EPS15: variants seen among roughly 807,000 people sequenced by gnomAD.
The protein encoded by EPS15 is epidermal growth factor receptor pathway substrate 15.
Under a neutral mutation model 113.8 loss-of-function variants are expected in EPS15, and 72 were observed. The ratio of observed to expected loss-of-function variants is 0.63; its 90% confidence interval spans 0.52 to 0.77. The LOEUF (loss-of-function observed/expected upper bound fraction) is 0.77. Ranked by LOEUF, EPS15 falls within the 30% of genes least tolerant of loss-of-function variation. EPS15 has a pLI of 0.00. For synonymous variants in EPS15, 344 were observed against 363.4 expected, an observed-to-expected ratio of 0.95 and a Z score of 0.61; for missense variants, 1,048 against 1,045.8, an observed-to-expected ratio of 1.00 and a Z score of -0.03.
intron 21 of EPS15, among the ~76,000 whole-genome samples, chr1:51,369,154 T>C (rs1267458497): frequency 6.6e-6 from 1 of 152,244 alleles, no homozygotes; most frequent in Non-Finnish European, 1.5e-5. Context: ...AGGACACTTC[T>C]ATATGAAGAA....
intron 1 of EPS15, among the ~76,000 whole-genome samples, chr1:51,507,454 A>G (rs989690365): frequency 6.6e-6 from 1 of 152,016 alleles, no homozygotes; most frequent in African/African-American, 2.4e-5. Flanking sequence ...CAAGATCAGG[A>G]GTTCAAGACT....
At chr1:51,409,421 G>T in intron 14 of EPS15, 114 bp downstream of exon 14, 1 of 978,020 alleles carries the variant, frequency 1.0e-6, no homozygotes. Context: ...CCCAAATGCT[G>T]ACTGGATTGC....
rs1050779975 is a variant in EPS15, at chr1:51,495,486, G to GT, written c.34-14173dup. 5.5e-4 allele frequency among the ~76,000 whole-genome samples: 83 copies of GT among 151,750 alleles called. 1 individual carries two copies. Among genetic ancestry groups the GT allele is most frequent in the African/African-American group, 2.0e-3 (83 of 41,432 alleles). On this transcript the variant is annotated intron_variant, in intron 1 of 24. Transcript: ENST00000371733. ...ATATAAATCAATAGAAATCTTTGGT[G>GT]TTTTAATTCTTTTTATACTATAGAC...
At chr1:51,498,187 TA>T (rs1644358076) in intron 1 of EPS15, among the ~76,000 whole-genome samples, 1 of 152,132 alleles carries the variant, frequency 6.6e-6, no homozygotes, top group Non-Finnish European at 1.5e-5. Flanking sequence ...ATCCAACTCA[TA>T]AAAGGTACAA....
chr1:51,384,666 G>T (rs1416308086), intron 21 of EPS15, among the ~76,000 whole-genome samples: 1 of 152,062 alleles, frequency 6.6e-6, no homozygotes, highest in Non-Finnish European at 1.5e-5. Flanking sequence ...GAACAACAAA[G>T]TTGGTAGTCA....
At chr1:51,513,786 A>G (rs1644667638) in intron 1 of EPS15, among the ~76,000 whole-genome samples, 1 of 152,216 alleles carries the variant, frequency 6.6e-6, no homozygotes, top group African/African-American at 2.4e-5. Flanking sequence ...TTAGTCCTCT[A>G]ACTGAATTGT....
chr1:51,357,902 G>A (rs189332801), intron 24 of EPS15, among the ~76,000 whole-genome samples: 564 of 152,006 alleles, frequency 3.7e-3, no homozygotes, highest in Non-Finnish European at 6.6e-3. Context: ...ACCACGCCCG[G>A]CTAATCCTGT....
intron 8 of EPS15, among the ~76,000 whole-genome samples, chr1:51,459,883 T>G (rs1385332273): frequency 6.6e-6 from 1 of 152,116 alleles, no homozygotes; most frequent in African/African-American, 2.4e-5. Flanking sequence ...ATCCTTTAAA[T>G]GATTTCAATA....
At chr1:51,411,958 A>G (rs1451607266) in intron 13 of EPS15, among the ~76,000 whole-genome samples, 1 of 152,252 alleles carries the variant, frequency 6.6e-6, no homozygotes, top group Admixed American at 6.5e-5. Flanking sequence ...GAACCAATGC[A>G]AATGCCCACC....
chr1:51,477,240 T>G (rs999929278), intron 2 of EPS15, among the ~76,000 whole-genome samples: 1 of 152,220 alleles, frequency 6.6e-6, no homozygotes, highest in Non-Finnish European at 1.5e-5. Context: ...TTTATTTGCA[T>G]AGAGGTGTTT....
intron 1 of EPS15, among the ~76,000 whole-genome samples, chr1:51,517,636 TAA>T (rs1363628635): frequency 1.3e-5 from 2 of 152,180 alleles, no homozygotes; most frequent in African/African-American, 2.4e-5. Flanking sequence ...AGTGAATACC[TAA>T]AAGTCAGTGC....
intron 22 of EPS15, among the ~76,000 whole-genome samples, chr1:51,364,696 G>C (rs1254551082): frequency 6.6e-6 from 1 of 151,752 alleles, no homozygotes; most frequent in South Asian, 2.1e-4. Flanking sequence ...ATGGAGTTTC[G>C]TTATGTTGCC....
At position 51,355,922 on chromosome 1, in the gene EPS15, T is replaced by C. The variant is rs2148332791; in HGVS notation, c.*778A>G. 5.2e-6 allele frequency: 1 copy of C among 192,990 alleles called. No individual in the cohort carries two copies. Among genetic ancestry groups the C allele is most frequent in the Admixed American group, 6.1e-5 (1 of 16,376 alleles). The allele number at this position is 192,990 out of a possible 1,614,324, so 12.0% of individuals were successfully genotyped here. On this transcript the variant is annotated 3_prime_UTR_variant, in exon 25 of 25. Transcript: ENST00000371733. ...GGTGATAAATTTTCTCCACTATCTATCACTTAAAATGAACATTTTCTTACA... is the reference window on the plus strand; with the variant it reads ...GGTGATAAATTTTCTCCACTATCTACCACTTAAAATGAACATTTTCTTACA...
intron 21 of EPS15, among the ~76,000 whole-genome samples, chr1:51,391,248 G>A (rs543391599): frequency 2.0e-5 from 3 of 152,076 alleles, no homozygotes; most frequent in African/African-American, 7.2e-5. Context: ...CTCACTCATA[G>A]GTGGGAATTG....
chr1:51,448,216 A>T, intron 8 of EPS15, 81 bp from the exon 9 acceptor site: 2 of 776,406 alleles, frequency 2.6e-6, no homozygotes, highest in South Asian at 4.8e-5. Flanking sequence ...TTCAATGATA[A>T]ATCATCGTCA....
At position 51,408,207 on chromosome 1, in the gene EPS15, A is replaced by C. The variant is rs150935900; in HGVS notation, c.1401T>G (p.Ser467Arg). The C allele has an allele frequency of 1.2e-3, 1,982 of 1,613,660 alleles. 5 individuals are homozygous for C. Among genetic ancestry groups the C allele is most frequent in the Non-Finnish European group, 1.3e-3 (1,583 of 1,179,814 alleles). The change falls in exon 15 of 25, where the codon AGT becomes AGG. Residue 467 changes from serine (S) to arginine (R), a missense_variant. By Grantham distance (110) the Ser-to-Arg change is moderately radical (BLOSUM62 -1). Transcript: ENST00000371733. ...LQQETAELEE[S>R]VESGKAQLEP... ...CCAACTGAGCCTTCCCTGACTCTAC[A>C]CTCTCCTCCAATTCTGCTGTTTCTT...
rs1311794589 is a variant in EPS15 at position 51,508,296 on chromosome 1, GAGAGAGAA to G, written c.33+10895_33+10902del. Among the ~76,000 whole-genome samples the G allele has an allele frequency of 1.6e-3, 215 of 131,212 alleles. 1 individual carries two copies. The highest frequency in any genetic ancestry group is 7.9e-3 in the Middle Eastern group (2 of 254). 86.1% of individuals were successfully genotyped at this position (131,212 alleles called of 152,430 possible). ...AGAAAGAGAGAAAGAGAGAAAGAGA[GAGAGAGAA>G]AGAGAGAAAGAGAGAAAGAGAGAAA... On this transcript the variant is annotated intron_variant, in intron 1 of 24. Coordinates refer to ENST00000371733, the MANE Select transcript of EPS15 (RefSeq NM_001981.3).
intron 8 of EPS15, chr1:51,458,646 A>G: frequency 4.9e-6 from 2 of 409,104 alleles, no homozygotes; most frequent in Non-Finnish European, 1.0e-5. Flanking sequence ...CTGAGGTGGA[A>G]GAATAACTTG....
intron 13 of EPS15, among the ~76,000 whole-genome samples, chr1:51,413,322 G>A (rs72694200): frequency 0.03 from 4,580 of 152,248 alleles, 74 homozygotes; most frequent in African/African-American, 0.05. Flanking sequence ...TTAATACACT[G>A]TAATCATAGC....
Sources: allele counts gnomAD v4.1 joint callset (sites outside exome capture counted in the v4.1 genomes callset), GRCh38; gene constraint gnomAD v4.1.1; transcripts MANE v1.5; gene names NCBI Gene and HGNC (gene_info 2026-07-23, HGNC 2026-07-21).